Variants in PGLYRP4 observed in about 807,000 individuals in gnomAD.
PGLYRP4 encodes PGRP-I-beta.
Under a neutral mutation model 41.2 loss-of-function variants are expected in PGLYRP4, and 39 were observed. The observed-to-expected ratio is 0.95, with a 90% confidence interval of 0.73 to 1.24. PGLYRP4 has a LOEUF of 1.24. Ranked by LOEUF, PGLYRP4 falls within the 50% of genes most tolerant of loss-of-function variation. The pLI is 0.00. For missense variants in PGLYRP4, 467 were observed against 460.7 expected (o/e 1.01, Z -0.13); for synonymous variants, 202 against 186.8 (o/e 1.08, Z -0.66).
At chr1:153,337,510 G>T (rs1212457333) in intron 7 of PGLYRP4, among the ~76,000 whole-genome samples, 1 of 152,126 alleles carries the variant, frequency 6.6e-6, no homozygotes, top group Non-Finnish European at 1.5e-5. Flanking sequence ...GTAGGGAGAG[G>T]GAATCCCAAT....
chr1:153,336,905 G>A (rs1444465441), intron 8 of PGLYRP4, among the ~76,000 whole-genome samples: 1 of 152,150 alleles, frequency 6.6e-6, no homozygotes, highest in Admixed American at 6.5e-5. Flanking sequence ...CTAAAAATAA[G>A]CACAAAGATC....
intron 6 of PGLYRP4, 39 bp from the exon 7 acceptor site, chr1:153,340,618 C>T (rs766654096): frequency 6.3e-7 from 1 of 1,590,900 alleles, no homozygotes; most frequent in Non-Finnish European, 8.6e-7. Flanking sequence ...TTCATCTTCC[C>T]CATCTATGCC....
intron 8 of PGLYRP4, among the ~76,000 whole-genome samples, chr1:153,335,254 A>G (rs1459382622): frequency 1.3e-5 from 2 of 152,226 alleles, no homozygotes; most frequent in Non-Finnish European, 2.9e-5. Flanking sequence ...CAGAGTAAAC[A>G]GACAACCTAC....
chr1:153,340,070 C>T (rs1211410521), intron 7 of PGLYRP4, among the ~76,000 whole-genome samples: 1 of 152,186 alleles, frequency 6.6e-6, no homozygotes, highest in African/African-American at 2.4e-5. Context: ...ATCTTTTCTA[C>T]AGGTGTCACA....
At chr1:153,343,278 C>T in intron 4 of PGLYRP4, 70 bp from the exon 5 acceptor site, 1 of 1,002,732 alleles carries the variant, frequency 1.0e-6, no homozygotes, top group South Asian at 1.4e-5. Flanking sequence ...AAACCACTTA[C>T]CCAGCCTCAA....
At position 153,339,971 on chromosome 1, in the gene PGLYRP4, C is replaced by T. The variant is rs1324738753; in HGVS notation, c.824+410G>A. ...GCACGGGTCTACCATGAGGGGGAAC[C>T]ACTTCAGGTTGTGGCCAAAGTGAGC... On this transcript the variant is annotated intron_variant, in intron 7 of 8. Coordinates refer to ENST00000359650, the MANE Select transcript of PGLYRP4 (RefSeq NM_020393.4). Among the ~76,000 whole-genome samples, 3 of 152,180 alleles carry T rather than the reference C, an allele frequency of 2.0e-5. No homozygotes were observed. The East Asian group carries it at 5.8e-4, about 29-fold the overall frequency.
rs530072357 is a variant in PGLYRP4, at chr1:153,331,340, G to A, written c.944-395C>T. 1.4e-4 allele frequency among the ~76,000 whole-genome samples: 21 copies of A among 152,266 alleles called. No homozygotes were observed. The South Asian group carries it at 1.5e-3, about 11-fold the overall frequency. ...AGGATACTGCTAAACATCCTAGGAC[G>A]GGACAGCCTCTGACAACAATGAATT... On this transcript the variant is annotated intron_variant, in intron 8 of 8. Coordinates refer to ENST00000359650, the MANE Select transcript of PGLYRP4 (RefSeq NM_020393.4).
chr1:153,348,000 G>C, intron 1 of PGLYRP4, 22 bp from the exon 2 acceptor site: 1 of 1,285,702 alleles, frequency 7.8e-7, no homozygotes. Context: ...GCTGACAGTT[G>C]TTAACATGAC....
At position 153,343,101 on chromosome 1, in the gene PGLYRP4, C is replaced by T. The variant is rs374415659; in HGVS notation, c.461G>A (p.Gly154Asp). Residue 154 changes from glycine (G) to aspartate (D), a missense_variant, in exon 5 of 9, where the codon GGC becomes GAC. By Grantham distance (94) the Gly-to-Asp change is moderately conservative. Coordinates refer to ENST00000359650, the MANE Select transcript of PGLYRP4 (RefSeq NM_020393.4). Reference sequence around the variant, plus strand: ...GTGATAACTGTTACCTTTCTTAGTGCCAAAGAAGGCAAAGCCCAGGGAGAT... The same window carrying T: ...GTGATAACTGTTACCTTTCTTAGTGTCAAAGAAGGCAAAGCCCAGGGAGAT... ...NNISLGFAFF[G>D]TKKGHSPSPA... 19 of 1,602,146 alleles carry T rather than the reference C, an allele frequency of 1.2e-5. No individual in the cohort carries two copies. Among genetic ancestry groups the T allele is most frequent in the South Asian group, 8.8e-5 (8 of 90,802 alleles).
chr1:153,341,743 T>C lies in PGLYRP4; in HGVS notation c.509A>G (p.Glu170Gly), dbSNP rs1170748736. 6.2e-7 allele frequency: 1 copy of C among 1,614,004 alleles called. No individual in the cohort carries two copies. Among genetic ancestry groups the C allele is most frequent in the South Asian group, 1.1e-5 (1 of 91,076 alleles). The change falls in exon 6 of 9, where the codon GAA (glutamate) becomes GGA (glycine). Residue 170 changes from glutamate (E) to glycine (G), a missense_variant. Glu to Gly is a moderately conservative substitution (Grantham distance 98, BLOSUM62 -2). Transcript: ENST00000359650. The stretch of plus-strand genomic sequence containing the variant: ...CTGGACAGCATAGGTGATTAGGTTT[T>C]CCATGGCCGACAGGGCAGCAGGGCT... Reference protein sequence around the residue: ...SPSPAALSAMENLITYAVQKG... With the variant: ...SPSPAALSAMGNLITYAVQKG...
At chr1:153,344,506 G>T (rs1232354375) in intron 4 of PGLYRP4, among the ~76,000 whole-genome samples, 1 of 152,210 alleles carries the variant, frequency 6.6e-6, no homozygotes, top group East Asian at 1.9e-4. Context: ...GTCAGGGGCT[G>T]GGGGAAGGTC....
In PGLYRP4 at chr1:153,330,697, G is replaced by T. The variant is rs372994387; in HGVS notation, c.*70C>A. ...AGGAGGGCAAAAGGTGTTGAGCCAA[G>T]CTGGATGGTTAGGACAGGAGAGACC... is the stretch of plus-strand genomic sequence containing the variant. On this transcript the variant is annotated 3_prime_UTR_variant, in exon 9 of 9. Coordinates refer to ENST00000359650, the MANE Select transcript of PGLYRP4 (RefSeq NM_020393.4). 1.7e-3 allele frequency: 2,317 copies of T among 1,396,500 alleles called. 7 individuals are homozygous for T. Among genetic ancestry groups the T allele is most frequent in the South Asian group, 5.6e-3 (447 of 80,180 alleles). The allele number at this position is 1,396,500 out of a possible 1,614,324, so 86.5% of individuals were successfully genotyped here.
At chr1:153,331,076 A>G in intron 8 of PGLYRP4, 131 bp from the exon 9 acceptor site, 1 of 630,744 alleles carries the variant, frequency 1.6e-6, no homozygotes, top group Non-Finnish European at 2.5e-6. Flanking sequence ...AGACAGGCAA[A>G]AAAAACAAGG....
At chr1:153,336,614 C>T (rs78665828) in intron 8 of PGLYRP4, among the ~76,000 whole-genome samples, 157 of 152,072 alleles carry the variant, frequency 1.0e-3, no homozygotes, top group Non-Finnish European at 2.0e-3. Context: ...AGGGATAAGA[C>T]GTTATTTAAT....
chr1:153,336,333 G>T (rs1195612531), intron 8 of PGLYRP4, among the ~76,000 whole-genome samples: 1 of 125,092 alleles, frequency 8.0e-6, no homozygotes, highest in Admixed American at 1.0e-4. Flanking sequence ...ACTGCACATT[G>T]TGTTCCAGCC....
At chr1:153,336,841 T>G (rs1413609411) in intron 8 of PGLYRP4, among the ~76,000 whole-genome samples, 2 of 151,544 alleles carry the variant, frequency 1.3e-5, no homozygotes, top group African/African-American at 2.4e-5. Context: ...GAAAAGTGTC[T>G]CTACATTGTT....
At chr1:153,340,696 CCCACCCTGCCCCCAA>C (rs1442666000) in intron 6 of PGLYRP4, 117 bp from the exon 7 acceptor site, 9 of 942,290 alleles carry the variant, frequency 9.6e-6, no homozygotes, top group East Asian at 2.6e-5. Flanking sequence ...CTCTGGGTCT[CCCACCCTGCCCCCAA>C]CCACCCTGCC....
At chr1:153,347,520 T>C (rs3006456) in intron 2 of PGLYRP4, among the ~76,000 whole-genome samples, 2 of 151,504 alleles carry the variant, frequency 1.3e-5, no homozygotes, top group East Asian at 1.9e-4. Flanking sequence ...ACTAGAGGCA[T>C]GTGCCACCAC....
intron 3 of PGLYRP4, 48 bp from the exon 4 acceptor site, chr1:153,345,430 C>T (rs762097608): frequency 6.5e-7 from 1 of 1,541,978 alleles, no homozygotes; most frequent in South Asian, 1.1e-5. Flanking sequence ...CCGCATTAGC[C>T]CGCCAAGCTG....
Sources: allele counts gnomAD v4.1 joint callset (sites outside exome capture counted in the v4.1 genomes callset), GRCh38; gene constraint gnomAD v4.1.1; transcripts MANE v1.5; gene names NCBI Gene and HGNC (gene_info 2026-07-23, HGNC 2026-07-21).